Variants in MID1 observed in about 807,000 individuals in gnomAD.
MID1 encodes the protein midline 1.
MID1 carries 7 observed loss-of-function variants against 40.4 expected under a neutral mutation model. The ratio of observed to expected loss-of-function variants is 0.17; its 90% confidence interval spans 0.10 to 0.33. MID1 has a LOEUF of 0.33. Ranked by LOEUF, MID1 falls within the 10% of genes least tolerant of loss-of-function variation. The probability of loss-of-function intolerance (pLI) is 1.00; values close to 1 mark genes in which losing one functional copy is unlikely to be tolerated. For missense variants in MID1, 367 were observed against 558.5 expected, an observed-to-expected ratio of 0.66 and a Z score of 3.46; for synonymous variants, 229 against 221.2, an observed-to-expected ratio of 1.04 and a Z score of -0.31.
intron 1 of MID1, among the ~76,000 whole-genome samples, chrX:10,568,799 A>T (rs895010350): frequency 8.9e-6 from 1 of 112,107 alleles, no homozygotes; most frequent in Non-Finnish European, 1.9e-5. Context: ...CCAGTTCATT[A>T]AGGGTGAAGA....
chrX:10,454,829 G>A (rs1255641574), intron 9 of MID1, 41 bp downstream of exon 9: 21 of 1,077,860 alleles, frequency 1.9e-5, no homozygotes, highest in Non-Finnish European at 2.7e-5. Flanking sequence ...AATGAGATGT[G>A]CCTTTTTATA....
intron 1 of MID1, among the ~76,000 whole-genome samples, chrX:10,611,141 T>C (rs955198865): frequency 5.5e-4 from 62 of 112,063 alleles, no homozygotes; most frequent in African/African-American, 1.9e-3. Flanking sequence ...ATTACATTTG[T>C]TAATAAGGAA....
chrX:10,667,914 A>C (rs2042960814), intron 1 of MID1, among the ~76,000 whole-genome samples: 1 of 112,256 alleles, frequency 8.9e-6, no homozygotes. Flanking sequence ...TAAGCCCCTA[A>C]AACAATTTTT....
chrX:10,466,231 T>C (rs1929379104), intron 7 of MID1, among the ~76,000 whole-genome samples: 1 of 112,229 alleles, frequency 8.9e-6, no homozygotes, highest in Admixed American at 9.5e-5. Flanking sequence ...TTCATCTTCT[T>C]CAAGTTTGAT....
intron 3 of MID1, among the ~76,000 whole-genome samples, chrX:10,519,542 T>C (rs1932608871): frequency 8.9e-6 from 1 of 111,841 alleles, no homozygotes. Flanking sequence ...GATGAAACAC[T>C]GATTCTACCC....
intron 1 of MID1, among the ~76,000 whole-genome samples, chrX:10,767,623 T>C (rs760160187): frequency 8.9e-6 from 1 of 112,198 alleles, no homozygotes; most frequent in South Asian, 3.7e-4. Flanking sequence ...CTGGCCTTGA[T>C]TTCAATTTTA....
At chrX:10,785,451 A>C (rs769368027) in intron 1 of MID1, among the ~76,000 whole-genome samples, 3 of 111,539 alleles carry the variant, frequency 2.7e-5, no homozygotes, top group African/African-American at 9.8e-5. Context: ...TTCTTCAAAG[A>C]ATTGGAAAAA....
At chrX:10,813,989 CATAA>C (rs1451681112) in intron 1 of MID1, among the ~76,000 whole-genome samples, 4 of 112,200 alleles carry the variant, frequency 3.6e-5, no homozygotes, top group Non-Finnish European at 7.5e-5. Flanking sequence ...GACAATAATT[CATAA>C]ATGAATGAGT....
intron 1 of MID1, among the ~76,000 whole-genome samples, chrX:10,567,852 GT>G (rs1934615560): frequency 9.1e-6 from 1 of 110,416 alleles, no homozygotes; most frequent in Non-Finnish European, 1.9e-5. Context: ...TTTCAATTTT[GT>G]TTTTTAAAAG....
intron 3 of MID1, among the ~76,000 whole-genome samples, chrX:10,521,811 G>T (rs1383468576): frequency 8.9e-6 from 1 of 112,128 alleles, no homozygotes; most frequent in African/African-American, 3.2e-5. Flanking sequence ...CTTGGTACCT[G>T]TAAATGGGAC....
chrX:10,643,093 C>T (rs749124166), intron 1 of MID1, among the ~76,000 whole-genome samples: 8 of 111,804 alleles, frequency 7.2e-5, no homozygotes, highest in South Asian at 3.7e-4. Flanking sequence ...CCATTCAGAA[C>T]GTAGGCATGG....
intron 1 of MID1, among the ~76,000 whole-genome samples, chrX:10,800,583 G>A (rs761563359): frequency 3.7e-4 from 41 of 111,991 alleles, no homozygotes; most frequent in African/African-American, 1.3e-3. Flanking sequence ...AAGGCAATTG[G>A]CTTGCCACAT....
intron 1 of MID1, among the ~76,000 whole-genome samples, chrX:10,573,625 A>G (rs1264444667): frequency 1.8e-5 from 2 of 111,953 alleles, no homozygotes; most frequent in Non-Finnish European, 3.8e-5. Flanking sequence ...ATGTCACTGA[A>G]ACTGTACTTT....
chrX:10,620,246 C>A (rs911484480), intron 1 of MID1, 44 bp downstream of exon 1: 17 of 112,713 alleles, frequency 1.5e-4, no homozygotes, highest in African/African-American at 5.5e-4. Flanking sequence ...GGGTCCCGGG[C>A]GGCGCCCGCC....
rs58092232 is a variant in MID1, at chrX:10,494,771, CAAAAAAAAAAA to C, written c.864+802_864+812del. 0.012 allele frequency among the ~76,000 whole-genome samples: 382 copies of C among 31,980 alleles called. 12 individuals are homozygous for C. The Admixed American group carries it at 0.12, about 10-fold the overall frequency. The allele number at this position is 31,980 out of a possible 115,157, so 27.8% of individuals were successfully genotyped here. ...CCTGGGTGACAGATAAAGACTGTCT[CAAAAAAAAAAA>C]AAAAAAAAAAGAAGAAGAAAAAAGA... On this transcript the variant is annotated intron_variant, in intron 4 of 9. Coordinates refer to ENST00000317552, the MANE Select transcript of MID1 (RefSeq NM_000381.4).
At chrX:10,473,005 C>T (rs1929796780) in intron 6 of MID1, among the ~76,000 whole-genome samples, 1 of 112,584 alleles carries the variant, frequency 8.9e-6, no homozygotes, top group Non-Finnish European at 1.9e-5. Context: ...AGATTTTTAA[C>T]AGGATGCCAC....
rs201251755 is a variant in MID1, at chrX:10,566,906, C to T, written c.642G>A (p.Glu214=). 32 of 1,209,847 alleles carry T rather than the reference C, an allele frequency of 2.6e-5. No homozygotes were observed. In the East Asian group the frequency reaches 3.3e-4, roughly 12 times the overall value. The part of the protein sequence containing the change: ...HRDHQVAALS[E]RYDKLKQNLE... The stretch of plus-strand genomic sequence containing the variant: ...GACTAACCTTCAATTTGTCATAGCG[C>T]TCACTCAAAGCTGCCACCTGATGAT... Residue 214 remains glutamate (E), a synonymous_variant, in exon 2 of 10, where the codon GAG becomes GAA. Coordinates refer to ENST00000317552, the MANE Select transcript of MID1 (RefSeq NM_000381.4).
At chrX:10,585,728 ATT>A (rs200786866) in intron 1 of MID1, among the ~76,000 whole-genome samples, 1 of 105,152 alleles carries the variant, frequency 9.5e-6, no homozygotes, top group African/African-American at 3.4e-5. Flanking sequence ...GGTGGACAGG[ATT>A]TTTTTTTTTT....
intron 1 of MID1, among the ~76,000 whole-genome samples, chrX:10,761,741 T>A (rs1446495885): frequency 2.7e-5 from 3 of 111,968 alleles, no homozygotes; most frequent in Non-Finnish European, 5.6e-5. Flanking sequence ...AGTTGATTGG[T>A]AGACTTGGGA....
Sources: gnomAD v4.1 joint callset for allele counts (sites outside exome capture counted in the v4.1 genomes callset) on GRCh38, gnomAD v4.1.1 for gene constraint, MANE v1.5 for transcripts, NCBI Gene and HGNC (gene_info 2026-07-23, HGNC 2026-07-21) for gene names.